Variants in SDK1 observed in about 807,000 individuals in gnomAD.
SDK1 encodes protein sidekick-1.
Under a neutral mutation model 245.5 loss-of-function variants are expected in SDK1, and 157 were observed. The observed-to-expected ratio is 0.64, with a 90% CI of 0.56 to 0.73. The LOEUF (loss-of-function observed/expected upper bound fraction) is 0.73. SDK1 is among the 30% of genes least tolerant of loss of function. The pLI, the probability that SDK1 is intolerant of heterozygous loss-of-function variation, is 0.00. For synonymous variants in SDK1, 1,647 were observed against 1,278.5 expected, an observed-to-expected ratio of 1.29 and a Z score of -6.15; for missense variants, 3,583 against 3,002.3, an observed-to-expected ratio of 1.19 and a Z score of -4.52.
intron 1 of SDK1, among the ~76,000 whole-genome samples, chr7:3,588,456 C>T (rs1293605634): frequency 3.9e-5 from 6 of 152,118 alleles, no homozygotes; most frequent in Non-Finnish European, 5.9e-5. Context: ...GAAAATTCAC[C>T]TCTGAAAGCC....
At chr7:4,015,048 G>A (rs1786287437) in intron 16 of SDK1, among the ~76,000 whole-genome samples, 1 of 152,164 alleles carries the variant, frequency 6.6e-6, no homozygotes, top group Non-Finnish European at 1.5e-5. Context: ...ATACTTCTCG[G>A]TAGAAGAGCA....
Position 3,661,744 on chromosome 7 carries a change from G to A in SDK1, c.713+19639G>A, listed in dbSNP as rs543656337. ...AAATGGTGGCTAAGAATGTAAACTCGGAAACCAGGCTGTCTGGGTTCAGAC... is the reference window on the plus strand; with the variant it reads ...AAATGGTGGCTAAGAATGTAAACTCAGAAACCAGGCTGTCTGGGTTCAGAC... On this transcript the variant is annotated intron_variant, in intron 4 of 44. Coordinates refer to ENST00000404826, the MANE Select transcript of SDK1 (RefSeq NM_152744.4). 3.3e-5 allele frequency among the ~76,000 whole-genome samples: 5 copies of A among 152,242 alleles called. No individual in the cohort carries two copies. The South Asian group carries it at 8.3e-4, about 25-fold the overall frequency.
chr7:4,097,424 G>T (rs1782224723), intron 22 of SDK1, among the ~76,000 whole-genome samples: 1 of 152,224 alleles, frequency 6.6e-6, no homozygotes, highest in South Asian at 2.1e-4. Context: ...CCAGAACAGG[G>T]CCTGCTGCAT....
chr7:3,532,274 A>G (rs775181349), intron 1 of SDK1, among the ~76,000 whole-genome samples: 5 of 152,208 alleles, frequency 3.3e-5, no homozygotes, highest in Non-Finnish European at 5.9e-5. Flanking sequence ...TGTTTCTGGT[A>G]AGCCAGGATC....
intron 1 of SDK1, among the ~76,000 whole-genome samples, chr7:3,453,029 G>A (rs1780563700): frequency 1.3e-5 from 2 of 152,068 alleles, no homozygotes; most frequent in Admixed American, 1.3e-4. Flanking sequence ...TCTTGCCATT[G>A]CCTCCTCAGC....
chr7:3,354,969 G>C (rs1157632410), intron 1 of SDK1, among the ~76,000 whole-genome samples: 4 of 152,158 alleles, frequency 2.6e-5, no homozygotes, highest in African/African-American at 4.8e-5. Flanking sequence ...TTACTTTCTT[G>C]TGTCTGTGGG....
intron 33 of SDK1, among the ~76,000 whole-genome samples, chr7:4,174,746 C>T (rs956678684): frequency 5.3e-5 from 8 of 152,148 alleles, no homozygotes; most frequent in South Asian, 2.1e-4. Context: ...TACCAGACAG[C>T]CTCAGCGTGG....
At chr7:3,683,965 C>G (rs998261859) in intron 4 of SDK1, among the ~76,000 whole-genome samples, 1 of 152,192 alleles carries the variant, frequency 6.6e-6, no homozygotes, top group African/African-American at 2.4e-5. Flanking sequence ...AAAGCACCCC[C>G]TTCATCACCT....
intron 4 of SDK1, among the ~76,000 whole-genome samples, chr7:3,818,398 A>C (rs1175811781): frequency 1.3e-5 from 2 of 152,206 alleles, no homozygotes. Context: ...TTACCTTCTG[A>C]TAGCAAAAGT....
chr7:3,802,971 C>A (rs1458234593), intron 4 of SDK1, among the ~76,000 whole-genome samples: 2 of 152,166 alleles, frequency 1.3e-5, no homozygotes, highest in Non-Finnish European at 2.9e-5. Flanking sequence ...ATTTTCATTT[C>A]TCTGAGATGA....
At chr7:4,178,248 C>G (rs571098869) in intron 34 of SDK1, among the ~76,000 whole-genome samples, 172 of 152,294 alleles carry the variant, frequency 1.1e-3, no homozygotes, top group African/African-American at 3.8e-3. Context: ...CTGCCTCTTA[C>G]CTGAACACAG....
intron 5 of SDK1, among the ~76,000 whole-genome samples, chr7:3,886,138 C>T (rs1781333618): frequency 6.6e-6 from 1 of 152,202 alleles, no homozygotes; most frequent in Admixed American, 6.5e-5. Context: ...AAAACACGGA[C>T]TGTACAGTTA....
At chr7:4,060,555 G>A (rs553586915) in intron 19 of SDK1, among the ~76,000 whole-genome samples, 30 of 152,150 alleles carry the variant, frequency 2.0e-4, no homozygotes, top group Middle Eastern at 6.8e-3. Context: ...TTTGTCAGAT[G>A]AGTAGGTTGC....
chr7:3,347,774 A>T (rs1292029072), intron 1 of SDK1, among the ~76,000 whole-genome samples: 2 of 152,138 alleles, frequency 1.3e-5, no homozygotes, highest in Non-Finnish European at 2.9e-5. Flanking sequence ...ACTGAATGCT[A>T]CCCCTGTGGC....
At chr7:3,448,751 TA>T (rs1780422505) in intron 1 of SDK1, among the ~76,000 whole-genome samples, 1 of 152,176 alleles carries the variant, frequency 6.6e-6, no homozygotes, top group African/African-American at 2.4e-5. Context: ...ATCAGTACTT[TA>T]AAAAAATATT....
chr7:3,350,777 C>G (rs952320655), intron 1 of SDK1, among the ~76,000 whole-genome samples: 7 of 152,064 alleles, frequency 4.6e-5, no homozygotes, highest in Non-Finnish European at 8.8e-5. Flanking sequence ...TTGTTTACTT[C>G]TCACGATTTA....
intron 18 of SDK1, among the ~76,000 whole-genome samples, chr7:4,051,163 A>ATAATATATATGTATAC (rs1789443881): frequency 7.1e-6 from 1 of 140,112 alleles, no homozygotes; most frequent in African/African-American, 2.6e-5. Context: ...TACATATAGT[A>ATAATATATATGTATAC]TATATGTATA....
intron 5 of SDK1, among the ~76,000 whole-genome samples, chr7:3,863,427 T>C (rs1179599320): frequency 1.3e-5 from 2 of 152,230 alleles, no homozygotes; most frequent in Non-Finnish European, 2.9e-5. Flanking sequence ...AATATATATA[T>C]TGCATAAATG....
At chr7:4,203,736 C>T (rs1439953603) in intron 35 of SDK1, among the ~76,000 whole-genome samples, 4 of 152,308 alleles carry the variant, frequency 2.6e-5, no homozygotes, top group African/African-American at 4.8e-5. Context: ...GGAGACCCAG[C>T]GGCTTTCAGG....
Sources: gnomAD v4.1 joint callset for allele counts (sites outside exome capture counted in the v4.1 genomes callset) on GRCh38, gnomAD v4.1.1 for gene constraint, MANE v1.5 for transcripts, NCBI Gene and HGNC (gene_info 2026-07-23, HGNC 2026-07-21) for gene names.